BMPR1A: variants seen among roughly 807,000 people sequenced by gnomAD.
BMPR1A encodes bone morphogenetic protein receptor type-1A.
Under a neutral mutation model 66.0 loss-of-function variants are expected in BMPR1A, and 7 were observed. That is an observed-to-expected ratio of 0.11 (90% CI 0.06 to 0.20). The LOEUF (loss-of-function observed/expected upper bound fraction) is 0.20, where lower values mean the gene tolerates loss of function less well. Ranked by LOEUF, BMPR1A falls within the 10% of genes least tolerant of loss-of-function variation. The pLI, the probability that BMPR1A is intolerant of heterozygous loss-of-function variation, is 1.00. For missense variants in BMPR1A, 408 were observed against 669.1 expected, an observed-to-expected ratio of 0.61 and a Z score of 4.31; for synonymous variants, 200 against 229.7, an observed-to-expected ratio of 0.87 and a Z score of 1.17.
chr10:86,910,608 A>G (rs1013680884), intron 7 of BMPR1A, among the ~76,000 whole-genome samples: 2 of 152,108 alleles, frequency 1.3e-5, no homozygotes, highest in Non-Finnish European at 2.9e-5. Context: ...AGCTGGGAGG[A>G]GGATTTTTTT....
intron 1 of BMPR1A, among the ~76,000 whole-genome samples, chr10:86,811,586 A>G (rs1841971283): frequency 6.6e-6 from 1 of 152,060 alleles, no homozygotes. Flanking sequence ...ATTTCCTGCA[A>G]ATTGGCAGCT....
chr10:86,756,022 C>G (rs1041813181), upstream of BMPR1A: 2 of 152,466 alleles, frequency 1.3e-5, no homozygotes, highest in Non-Finnish European at 1.5e-5. Flanking sequence ...GCAACTACCA[C>G]GACCTGGCCA....
chr10:86,811,131 C>T (rs550879906), intron 1 of BMPR1A, among the ~76,000 whole-genome samples: 6 of 152,236 alleles, frequency 3.9e-5, no homozygotes, highest in African/African-American at 1.4e-4. Context: ...ATCTGGCTCC[C>T]GGGTTCAAGT....
rs58326501 is a variant in BMPR1A, at chr10:86,760,188, GTTTTTTTTT to G, written c.-268+3282_-268+3290del. Reference sequence around the variant, plus strand: ...TGTGGTATTTGCCTCAGATTTACCTGTTTTTTTTTTTTTTTTTTTTTAATACCTTATTGT... The same window carrying G: ...TGTGGTATTTGCCTCAGATTTACCTGTTTTTTTTTTTTAATACCTTATTGT... On this transcript the variant is annotated intron_variant, in intron 1 of 12. Coordinates refer to ENST00000372037, the MANE Select transcript of BMPR1A (RefSeq NM_004329.3). Among the ~76,000 whole-genome samples the G allele has an allele frequency of 3.7e-5, 2 of 53,376 alleles. 1 individual carries two copies. Among genetic ancestry groups the G allele is most frequent in the South Asian group, 1.7e-3 (2 of 1,176 alleles). The allele number at this position is 53,376 out of a possible 152,430, so 35.0% of individuals were successfully genotyped here.
At chr10:86,853,900 T>A (rs900760071) in intron 2 of BMPR1A, among the ~76,000 whole-genome samples, 3 of 152,290 alleles carry the variant, frequency 2.0e-5, no homozygotes, top group Middle Eastern at 3.4e-3. Context: ...GGCACCATTG[T>A]CATTGATAAC....
intron 1 of BMPR1A, among the ~76,000 whole-genome samples, chr10:86,804,792 G>GTTTTTTTTTTTTTTTTTTTTTTTTTATTT (rs5786747): frequency 1.7e-5 from 1 of 57,268 alleles, no homozygotes; most frequent in Non-Finnish European, 3.2e-5. Flanking sequence ...GTTTGTAGGT[G>GTTTTTTTTTTTTTTTTTTTTTTTTTATTT]TTTTTTTTTT....
intron 1 of BMPR1A, among the ~76,000 whole-genome samples, chr10:86,804,108 A>G (rs1373323394): frequency 6.6e-6 from 1 of 152,182 alleles, no homozygotes; most frequent in East Asian, 1.9e-4. Flanking sequence ...TTTTTCTAAT[A>G]ATTTTCAGTT....
At chr10:86,783,658 G>T (rs945748222) in intron 1 of BMPR1A, among the ~76,000 whole-genome samples, 1 of 152,172 alleles carries the variant, frequency 6.6e-6, no homozygotes, top group Non-Finnish European at 1.5e-5. Context: ...GCGTGATCAT[G>T]GCTCACTGCC....
At chr10:86,830,196 A>G (rs908832096) in intron 1 of BMPR1A, among the ~76,000 whole-genome samples, 2 of 152,252 alleles carry the variant, frequency 1.3e-5, no homozygotes, top group Non-Finnish European at 2.9e-5. Flanking sequence ...TGCTGAAGAC[A>G]GGCCAAGGTG....
Position 86,925,512 on chromosome 10 carries a change from G to A in BMPR1A, c.*1793G>A, listed in dbSNP as rs2133640256. 4.9e-6 allele frequency: 1 copy of A among 203,776 alleles called. No individual in the cohort carries two copies. The highest frequency in any genetic ancestry group is 7.6e-5 in the East Asian group (1 of 13,082). 12.6% of individuals were successfully genotyped at this position (203,776 alleles called of 1,614,324 possible). A position where few individuals can be genotyped will look rare whatever the true frequency, so the allele number is the denominator to read the frequency against. ...ATAAGTTTCATCTGCCATAATTAAA[G>A]TCTGAAGTGTTCATCAAGATAAGTA... is the stretch of plus-strand genomic sequence containing the variant. On this transcript the variant is annotated 3_prime_UTR_variant, in exon 13 of 13. Transcript: ENST00000372037.
intron 1 of BMPR1A, among the ~76,000 whole-genome samples, chr10:86,816,106 C>A (rs1347446833): frequency 1.3e-5 from 2 of 152,258 alleles, no homozygotes; most frequent in South Asian, 2.1e-4. Flanking sequence ...GGGGTTGTTA[C>A]CACAGCATCA....
At chr10:86,923,134 T>TA (rs1390222207) in intron 11 of BMPR1A, among the ~76,000 whole-genome samples, 1 of 151,490 alleles carries the variant, frequency 6.6e-6, no homozygotes, top group African/African-American at 2.5e-5. Context: ...GGAAGATTGA[T>TA]ATGCCCTTTG....
At chr10:86,769,578 T>C (rs145504445) in intron 1 of BMPR1A, among the ~76,000 whole-genome samples, 1 of 152,306 alleles carries the variant, frequency 6.6e-6, no homozygotes, top group East Asian at 1.9e-4. Context: ...CAGGGCTTAT[T>C]AAGATGTGGC....
chr10:86,919,199 C>A lies in BMPR1A; in HGVS notation c.896C>A (p.Thr299Lys), dbSNP rs1219651963. 1 of 1,613,796 alleles carries A rather than the reference C, an allele frequency of 6.2e-7. No homozygotes were observed. Among genetic ancestry groups the A allele is most frequent in the Non-Finnish European group, 8.5e-7 (1 of 1,179,860 alleles). Residue 299 changes from threonine (T) to lysine (K), a missense_variant, in exon 10 of 13, where the codon ACA becomes AAA. This residue lies in a region of BMPR1A where 174 missense variants were observed against 265.1 expected (regional missense o/e 0.66). Coordinates refer to ENST00000372037, the MANE Select transcript of BMPR1A (RefSeq NM_004329.3). ...LGFIAADIKG[T>K]GSWTQLYLIT... is the part of the protein sequence containing the mutation. Reference sequence around the variant, plus strand: ...TTCATAGCGGCAGACATTAAAGGTACAGGTTCCTGGACTCAGCTCTATTTG... The same window carrying A: ...TTCATAGCGGCAGACATTAAAGGTAAAGGTTCCTGGACTCAGCTCTATTTG...
Position 86,923,515 on chromosome 10 carries a change from A to C in BMPR1A, c.1473+9A>C. Reference sequence around the variant, plus strand: ...GGTGGAACAGTGATGAAGTGAGTGGAACTCAGTCCCCTGAAGAAGTGATTC... The same window carrying C: ...GGTGGAACAGTGATGAAGTGAGTGGCACTCAGTCCCCTGAAGAAGTGATTC... On this transcript the variant is annotated intron_variant, in intron 12 of 12. Coordinates refer to ENST00000372037, the MANE Select transcript of BMPR1A (RefSeq NM_004329.3). The C allele has an allele frequency of 6.2e-7, 1 of 1,614,184 alleles. No homozygotes were observed. The highest frequency in any genetic ancestry group is 8.5e-7 in the Non-Finnish European group (1 of 1,180,014).
chr10:86,761,066 T>A (rs1841048636), intron 1 of BMPR1A, among the ~76,000 whole-genome samples: 1 of 152,194 alleles, frequency 6.6e-6, no homozygotes. Flanking sequence ...TCAAAGCTCT[T>A]GGATGTGCCT....
At chr10:86,775,284 A>G (rs1410741857) in intron 1 of BMPR1A, among the ~76,000 whole-genome samples, 1 of 152,214 alleles carries the variant, frequency 6.6e-6, no homozygotes, top group African/African-American at 2.4e-5. Context: ...AAGTACTGTC[A>G]CTGTCTGTTA....
At chr10:86,765,910 A>G (rs1426538996) in intron 1 of BMPR1A, among the ~76,000 whole-genome samples, 1 of 151,294 alleles carries the variant, frequency 6.6e-6, no homozygotes, top group Admixed American at 6.6e-5. Context: ...GTCATACGAT[A>G]CATCCTTATC....
chr10:86,907,453 C>T (rs184141355), intron 7 of BMPR1A, among the ~76,000 whole-genome samples: 1 of 152,326 alleles, frequency 6.6e-6, no homozygotes, highest in East Asian at 1.9e-4. Context: ...ATCAGAACTA[C>T]CATATGATCT....
Sources: allele counts gnomAD v4.1 joint callset (sites outside exome capture counted in the v4.1 genomes callset), GRCh38; gene constraint gnomAD v4.1.1; regional missense constraint gnomAD v4.1.1; transcripts MANE v1.5; gene names NCBI Gene and HGNC (gene_info 2026-07-23, HGNC 2026-07-21).